The following CNTNAP2 variants were observed in gnomAD, a reference collection of about 807,000 sequenced individuals.
CNTNAP2 encodes the protein contactin associated protein 2.
CNTNAP2 carries 98 observed loss-of-function variants against 155.2 expected under a neutral mutation model. The ratio of observed to expected loss-of-function variants is 0.63; its 90% CI spans 0.54 to 0.75. The LOEUF is 0.75. Ranked by LOEUF, CNTNAP2 falls within the 30% of genes least tolerant of loss-of-function variation. The pLI is 0.00. For synonymous variants in CNTNAP2, 651 were observed against 631.2 expected, an observed-to-expected ratio of 1.03 and a Z score of -0.47; for missense variants, 1,727 against 1,688.1, an observed-to-expected ratio of 1.02 and a Z score of -0.40.
intron 1 of CNTNAP2, among the ~76,000 whole-genome samples, chr7:146,736,599 A>T (rs1253811090): frequency 2.0e-5 from 3 of 152,334 alleles, no homozygotes; most frequent in Middle Eastern, 3.4e-3. Context: ...TAAAGGGCAG[A>T]GATGATTCAG....
intron 21 of CNTNAP2, among the ~76,000 whole-genome samples, chr7:148,290,536 A>G (rs560016120): frequency 2.0e-4 from 30 of 152,348 alleles, no homozygotes; most frequent in African/African-American, 7.0e-4. Context: ...ATGGGAATTT[A>G]TCTTCACTTT....
chr7:146,662,543 T>G (rs1212337952), intron 1 of CNTNAP2, among the ~76,000 whole-genome samples: 1 of 152,194 alleles, frequency 6.6e-6, no homozygotes, highest in Non-Finnish European at 1.5e-5. Flanking sequence ...TAGGTTTTTT[T>G]GCAAATATTT....
At chr7:147,476,844 C>T (rs1251489379) in intron 10 of CNTNAP2, among the ~76,000 whole-genome samples, 2 of 151,268 alleles carry the variant, frequency 1.3e-5, no homozygotes, top group Non-Finnish European at 1.5e-5. Context: ...AGGAGAATCA[C>T]TTGAACCTAG....
intron 2 of CNTNAP2, among the ~76,000 whole-genome samples, chr7:146,822,331 G>GCC (rs1803303025): frequency 6.6e-6 from 1 of 152,016 alleles, no homozygotes; most frequent in Non-Finnish European, 1.5e-5. Context: ...TGGCGTGGGG[G>GCC]CAGGGGGGAG....
At chr7:146,615,615 A>G (rs1799211495) in intron 1 of CNTNAP2, among the ~76,000 whole-genome samples, 1 of 152,050 alleles carries the variant, frequency 6.6e-6, no homozygotes, top group South Asian at 2.1e-4. Flanking sequence ...AGCACCTGAG[A>G]CTCTTTCTGA....
intron 1 of CNTNAP2, among the ~76,000 whole-genome samples, chr7:146,387,628 C>T (rs1054656948): frequency 6.6e-6 from 1 of 152,140 alleles, no homozygotes; most frequent in African/African-American, 2.4e-5. Context: ...ACTGGTTGTG[C>T]CCAAACCCTA....
At chr7:147,732,307 G>T (rs866542561) in intron 13 of CNTNAP2, among the ~76,000 whole-genome samples, 2 of 151,396 alleles carry the variant, frequency 1.3e-5, no homozygotes, top group Non-Finnish European at 2.9e-5. Context: ...CTGTCATTGC[G>T]ATAGTTTGCT....
intron 3 of CNTNAP2, among the ~76,000 whole-genome samples, chr7:146,910,992 G>A (rs552950948): frequency 0.024 from 3,573 of 149,180 alleles, 191 homozygotes; most frequent in African/African-American, 0.078. Flanking sequence ...AAAAGTGGGC[G>A]AAGGACATGA....
At chr7:146,765,576 G>A (rs369764625) in intron 1 of CNTNAP2, among the ~76,000 whole-genome samples, 4 of 152,122 alleles carry the variant, frequency 2.6e-5, no homozygotes, top group Non-Finnish European at 5.9e-5. Flanking sequence ...TTGAGGCTCT[G>A]GGAATAGAGA....
intron 3 of CNTNAP2, among the ~76,000 whole-genome samples, chr7:147,001,154 T>A (rs1798414450): frequency 6.6e-6 from 1 of 152,080 alleles, no homozygotes; most frequent in African/African-American, 2.4e-5. Context: ...CCGTTCTACC[T>A]TTTTTGGTGT....
intron 21 of CNTNAP2, among the ~76,000 whole-genome samples, chr7:148,338,643 C>T (rs1411796204): frequency 6.6e-6 from 1 of 152,140 alleles, no homozygotes; most frequent in Admixed American, 6.6e-5. Flanking sequence ...ACTGCCTGGA[C>T]CTCAATAAGC....
Position 146,733,901 on chromosome 7 carries a change from G to A in CNTNAP2, c.98-40370G>A, listed in dbSNP as rs574923165. ...CATAGTTCTTTTTCTGTTTTTGCAG[G>A]CTGCATGCTCAAATATTCTCTATAA... On this transcript the variant is annotated intron_variant, in intron 1 of 23. Coordinates refer to ENST00000361727, the MANE Select transcript of CNTNAP2 (RefSeq NM_014141.6). 5.3e-5 allele frequency among the ~76,000 whole-genome samples: 8 copies of A among 152,084 alleles called. No homozygotes were observed. In the South Asian group the frequency reaches 1.7e-3, roughly 32 times the overall value.
chr7:146,302,115 A>G (rs1372467748), intron 1 of CNTNAP2, among the ~76,000 whole-genome samples: 2 of 152,192 alleles, frequency 1.3e-5, no homozygotes, highest in African/African-American at 2.4e-5. Flanking sequence ...ATATAATGAC[A>G]TAGTGATAGG....
chr7:147,583,234 T>C (rs1202150456), intron 12 of CNTNAP2, among the ~76,000 whole-genome samples: 1 of 152,012 alleles, frequency 6.6e-6, no homozygotes, highest in African/African-American at 2.4e-5. Context: ...CCTCTCTCTA[T>C]GGCAGTTCCA....
At position 147,903,595 on chromosome 7, in the gene CNTNAP2, A is replaced by G. The variant is rs1585020022; in HGVS notation, c.2129A>G (p.Lys710Arg). 1 of 1,614,190 alleles carries G rather than the reference A, an allele frequency of 6.2e-7. No homozygotes were observed. The highest frequency in any genetic ancestry group is 2.2e-5 in the East Asian group (1 of 44,874). ...AGCCCTTACACTTGGTGGGTTGGCA[A>G]AGCCAACGAGAAGCACTACTACTGG... ...DGSPYTWWVGKANEKHYYWGG... is the reference protein window; with the variant it reads ...DGSPYTWWVGRANEKHYYWGG... Residue 710 changes from lysine to arginine, a missense_variant, in exon 14 of 24, where the codon AAA (lysine) becomes AGA (arginine). Transcript: ENST00000361727.
At chr7:146,180,981 T>C (rs746879977) in intron 1 of CNTNAP2, among the ~76,000 whole-genome samples, 7 of 152,178 alleles carry the variant, frequency 4.6e-5, no homozygotes, top group Admixed American at 6.5e-5. Context: ...TTCCTTCTAC[T>C]CTGCCTACTA....
At chr7:146,712,196 C>T (rs1315010138) in intron 1 of CNTNAP2, among the ~76,000 whole-genome samples, 2 of 114,298 alleles carry the variant, frequency 1.7e-5, no homozygotes, top group African/African-American at 3.7e-5. Flanking sequence ...CTTATGTATA[C>T]AAATATGTAT....
chr7:146,228,173 C>G (rs921131432), intron 1 of CNTNAP2, among the ~76,000 whole-genome samples: 1 of 152,014 alleles, frequency 6.6e-6, no homozygotes, highest in Non-Finnish European at 1.5e-5. Context: ...AATATCCAAG[C>G]GATATTTGGG....
intron 3 of CNTNAP2, among the ~76,000 whole-genome samples, chr7:146,886,275 TA>T (rs776073033): frequency 2.5e-4 from 36 of 142,080 alleles, no homozygotes; most frequent in Middle Eastern, 7.4e-3. Context: ...TCAGTTTTCT[TA>T]AAAAAAAAAA....
Sources: gnomAD v4.1 joint callset for allele counts (sites outside exome capture counted in the v4.1 genomes callset) on GRCh38, gnomAD v4.1.1 for gene constraint, MANE v1.5 for transcripts, NCBI Gene and HGNC (gene_info 2026-07-23, HGNC 2026-07-21) for gene names.